The following B9D1 variants were observed in gnomAD, a reference collection of about 807,000 sequenced individuals.
B9D1 encodes the protein B9 domain containing 1.
A neutral mutation model predicts 26.1 loss-of-function variants in B9D1; 20 were observed. That is an observed-to-expected ratio of 0.77 (90% CI 0.54 to 1.12). B9D1 has a LOEUF of 1.12. B9D1 is among the 50% of genes most tolerant of loss of function. B9D1 has a pLI of 0.00. For missense variants in B9D1, 260 were observed against 273.7 expected, an observed-to-expected ratio of 0.95 and a Z score of 0.35; for synonymous variants, 105 against 103.1, an observed-to-expected ratio of 1.02 and a Z score of -0.11.
chr17:19,335,562 G>A (rs1163743678), downstream of B9D1: 10 of 1,332,040 alleles, frequency 7.5e-6, no homozygotes, highest in African/African-American at 2.9e-5. Flanking sequence ...GGCGTGGGGT[G>A]GGGGGTGCTT....
Position 19,347,408 on chromosome 17 carries a change from A to C in B9D1, c.342-77T>G. 6.4e-7 allele frequency: 1 copy of C among 1,552,990 alleles called. No homozygotes were observed. Among genetic ancestry groups the C allele is most frequent in the Non-Finnish European group, 8.9e-7 (1 of 1,126,700 alleles). ...GCCTCCAGGGAGAAGAAACCCTCAG[A>C]TCAGGCCAGTGCAGCTGCAGCGTGG... is the stretch of plus-strand genomic sequence containing the variant. On this transcript the variant is annotated intron_variant, in intron 4 of 6. Transcript: ENST00000261499. The surrounding 1 kb of genome is among the most constrained non-coding windows in gnomAD (Gnocchi z 4.3).
At chr17:19,373,903 G>C (rs1912000127) in intron 1 of B9D1, among the ~76,000 whole-genome samples, 1 of 152,176 alleles carries the variant, frequency 6.6e-6, no homozygotes, top group African/African-American at 2.4e-5. Flanking sequence ...ATACCTTTCA[G>C]GAAGGCAGCT....
At chr17:19,376,417 A>G (rs1346982910) in intron 1 of B9D1, among the ~76,000 whole-genome samples, 2 of 152,060 alleles carry the variant, frequency 1.3e-5, no homozygotes, top group African/African-American at 4.8e-5. Context: ...TAAGTCTGAT[A>G]AGAAATATTT....
intron 3 of B9D1, among the ~76,000 whole-genome samples, chr17:19,350,990 C>T (rs1260727494): frequency 1.3e-5 from 2 of 152,038 alleles, no homozygotes; most frequent in African/African-American, 2.4e-5. Context: ...AGGCGTGCGC[C>T]ACCAAACCCG....
chr17:19,360,033 C>T (rs903138463), intron 2 of B9D1, among the ~76,000 whole-genome samples: 25 of 152,200 alleles, frequency 1.6e-4, no homozygotes, highest in African/African-American at 6.0e-4. Context: ...TCAGCCACGT[C>T]CAGGCTGGCT....
intron 5 of B9D1, among the ~76,000 whole-genome samples, chr17:19,346,789 T>C (rs1188402177): frequency 1.3e-5 from 2 of 152,200 alleles, no homozygotes; most frequent in Non-Finnish European, 2.9e-5. Flanking sequence ...GCTCACGCTC[T>C]CCTCAGCCTG....
chr17:19,337,280 C>T (rs1225794406), downstream of B9D1, among the ~76,000 whole-genome samples: 1 of 152,212 alleles, frequency 6.6e-6, no homozygotes, highest in Non-Finnish European at 1.5e-5. Flanking sequence ...GCCTCAGAGC[C>T]ACCAACCAGA....
At chr17:19,366,351 G>T (rs992359085), upstream of B9D1, among the ~76,000 whole-genome samples, 1 of 152,016 alleles carries the variant, frequency 6.6e-6, no homozygotes, top group Non-Finnish European at 1.5e-5. Context: ...GCTTGTCCTG[G>T]GTCCTGGGGC....
chr17:19,362,444 G>A (rs1212599328), intron 1 of B9D1, 63 bp downstream of exon 1: 4 of 1,328,444 alleles, frequency 3.0e-6, no homozygotes, highest in South Asian at 2.8e-5. Context: ...AGCCCGGGGG[G>A]TTGCGGGAAG....
At chr17:19,361,647 A>G (rs1911090470) in intron 1 of B9D1, among the ~76,000 whole-genome samples, 1 of 152,138 alleles carries the variant, frequency 6.6e-6, no homozygotes, top group Non-Finnish European at 1.5e-5. Context: ...ATGGAGTAGT[A>G]TCCCTGATGA....
chr17:19,338,162 T>C (rs1421467268), downstream of B9D1, among the ~76,000 whole-genome samples: 1 of 152,174 alleles, frequency 6.6e-6, no homozygotes, highest in Non-Finnish European at 1.5e-5. Flanking sequence ...ACAGTCCAGC[T>C]CCATTTGGAG....
At chr17:19,376,553 G>A (rs1481538823) in intron 1 of B9D1, among the ~76,000 whole-genome samples, 1 of 147,622 alleles carries the variant, frequency 6.8e-6, no homozygotes, top group African/African-American at 2.5e-5. Flanking sequence ...GCAGGGGGGC[G>A]TGGATGACTT....
chr17:19,367,604 A>ATGC (rs1911667716), upstream of B9D1, among the ~76,000 whole-genome samples: 2 of 152,136 alleles, frequency 1.3e-5, no homozygotes, highest in African/African-American at 2.4e-5. Flanking sequence ...GAGCCACTGC[A>ATGC]CCCGGCCAAT....
intron 3 of B9D1, among the ~76,000 whole-genome samples, chr17:19,355,657 G>A (rs535629207): frequency 4.6e-5 from 7 of 150,808 alleles, no homozygotes; most frequent in Admixed American, 2.6e-4. Flanking sequence ...GTGAAACCCC[G>A]TCTCTACTAA....
chr17:19,367,096 A>G (rs1475923075), upstream of B9D1, among the ~76,000 whole-genome samples: 1 of 152,170 alleles, frequency 6.6e-6, no homozygotes, highest in African/African-American at 2.4e-5. Context: ...ATGCTTCAGA[A>G]GGGGTGTGTA....
chr17:19,351,775 T>A (rs1283905955), intron 3 of B9D1, among the ~76,000 whole-genome samples: 1 of 152,272 alleles, frequency 6.6e-6, no homozygotes, highest in Admixed American at 6.5e-5. Context: ...GACCATTTCA[T>A]CTACCTTGCC....
intron 1 of B9D1, among the ~76,000 whole-genome samples, chr17:19,373,948 A>G (rs1912001443): frequency 6.6e-6 from 1 of 152,248 alleles, no homozygotes; most frequent in Admixed American, 6.5e-5. Context: ...AATCCTAGGT[A>G]GACATTTACA....
intron 5 of B9D1, among the ~76,000 whole-genome samples, chr17:19,345,185 C>G (rs1485854131): frequency 2.0e-5 from 3 of 152,132 alleles, no homozygotes; most frequent in Non-Finnish European, 4.4e-5. Context: ...AAGGAAGGAC[C>G]CCTCAGACTG....
chr17:19,369,863 T>C (rs984434847), intron 1 of B9D1, among the ~76,000 whole-genome samples: 5 of 152,164 alleles, frequency 3.3e-5, no homozygotes, highest in African/African-American at 1.2e-4. Flanking sequence ...GCCCACCCCA[T>C]GGCCATTCCC....
Sources: gnomAD v4.1 joint callset for allele counts (sites outside exome capture counted in the v4.1 genomes callset) on GRCh38, gnomAD v4.1.1 for gene constraint, Gnocchi (gnomAD v3.1) non-coding constraint, MANE v1.5 for transcripts, NCBI Gene and HGNC (gene_info 2026-07-23, HGNC 2026-07-21) for gene names.